Variants in TYW1 observed in about 807,000 individuals in gnomAD.
TYW1 encodes S-adenosyl-L-methionine-dependent tRNA 4-demethylwyosine synthase TYW1.
TYW1 carries 46 observed loss-of-function variants against 96.2 expected under a neutral mutation model. The ratio of observed to expected loss-of-function variants is 0.48; its 90% CI spans 0.38 to 0.61. TYW1 has a LOEUF of 0.61. TYW1 is among the 20% of genes least tolerant of loss of function. The pLI, the probability that TYW1 is intolerant of heterozygous loss-of-function variation, is 0.00. For missense variants in TYW1, 684 were observed against 909.6 expected, an observed-to-expected ratio of 0.75 and a Z score of 3.19; for synonymous variants, 274 against 323.0, an observed-to-expected ratio of 0.85 and a Z score of 1.63.
chr7:67,223,845 A>G (rs1169092813), intron 15 of TYW1, among the ~76,000 whole-genome samples: 1 of 150,944 alleles, frequency 6.6e-6, no homozygotes, highest in Non-Finnish European at 1.5e-5. Context: ...ATTTACTGTC[A>G]AGCCTTCCCC....
At chr7:67,156,456 C>T (rs115517745) in intron 13 of TYW1, among the ~76,000 whole-genome samples, 5,176 of 152,336 alleles carry the variant, frequency 0.034, 264 homozygotes, top group African/African-American at 0.12. Flanking sequence ...ATTGGCAGCC[C>T]TGCCAGGGGT....
intron 9 of TYW1, among the ~76,000 whole-genome samples, chr7:67,065,726 T>C (rs1042068099): frequency 5.3e-5 from 8 of 151,936 alleles, no homozygotes; most frequent in African/African-American, 1.9e-4. Context: ...ATTTATGTAA[T>C]ATTCTTTCAT....
chr7:67,177,992 GAAAAAAAAAAAGA>G (rs1243049562), intron 13 of TYW1, among the ~76,000 whole-genome samples: 2 of 104,600 alleles, frequency 1.9e-5, no homozygotes, highest in Non-Finnish European at 3.9e-5. Context: ...TGTCTCTACA[GAAAAAAAAAAAGA>G]AAAAAAAAAA....
At chr7:67,001,320 G>C (rs1338830753) in intron 3 of TYW1, among the ~76,000 whole-genome samples, 5 of 151,996 alleles carry the variant, frequency 3.3e-5, no homozygotes, top group Non-Finnish European at 7.4e-5. Flanking sequence ...GCTTAATGTT[G>C]CTGTCCATAT....
At chr7:67,074,910 G>T (rs1442447562) in intron 10 of TYW1, among the ~76,000 whole-genome samples, 2 of 151,928 alleles carry the variant, frequency 1.3e-5, no homozygotes, top group Non-Finnish European at 2.9e-5. Flanking sequence ...TTGGCTCACT[G>T]TAACCTCTGT....
chr7:67,118,878 GAAAAAAAAAAA>G (rs60194362), intron 13 of TYW1, among the ~76,000 whole-genome samples: 48 of 72,244 alleles, frequency 6.6e-4, no homozygotes, highest in East Asian at 9.6e-4. Flanking sequence ...ACCCCTATCT[GAAAAAAAAAAA>G]AAAAAAAAAA....
In TYW1 at chr7:67,079,157, G is replaced by T. The variant is rs62468360; in HGVS notation, c.1275-4273G>T. 4.2e-3 allele frequency among the ~76,000 whole-genome samples: 557 copies of T among 131,678 alleles called. 2 individuals are homozygous for T. The highest frequency in any genetic ancestry group is 7.4e-3 in the Non-Finnish European group (467 of 62,880). 86.4% of individuals were successfully genotyped at this position (131,678 alleles called of 152,430 possible). On this transcript the variant is annotated intron_variant, in intron 10 of 15. Coordinates refer to ENST00000359626, the MANE Select transcript of TYW1 (RefSeq NM_018264.4). ...TTAATTTTTTGAAATAGTTTGAAAA[G>T]TATTCGTGTGAGAGGTGTGTGTGTG...
At chr7:67,182,584 C>A (rs11767081) in intron 13 of TYW1, among the ~76,000 whole-genome samples, 42,534 of 151,624 alleles carry the variant, frequency 0.28, 6,475 homozygotes, top group African/African-American at 0.4. Context: ...GAAAAGAAAG[C>A]AAGCCAGTCC....
chr7:67,221,199 G>A (rs1302305066), intron 15 of TYW1, among the ~76,000 whole-genome samples: 1 of 152,144 alleles, frequency 6.6e-6, no homozygotes, highest in African/African-American at 2.4e-5. Flanking sequence ...GTTTATAATA[G>A]TTATATGTTC....
intron 13 of TYW1, among the ~76,000 whole-genome samples, chr7:67,126,365 T>C (rs1323119671): frequency 1.3e-5 from 2 of 152,054 alleles, no homozygotes; most frequent in Non-Finnish European, 2.9e-5. Context: ...AAGAGTTCTT[T>C]GTATATTTTG....
intron 6 of TYW1, among the ~76,000 whole-genome samples, 181 bp downstream of exon 6, chr7:67,018,324 A>C (rs147603224): frequency 0.017 from 2,579 of 152,034 alleles, 71 homozygotes; most frequent in African/African-American, 0.058. Flanking sequence ...GTATTGCTTG[A>C]GTCCGGGAGT....
At chr7:67,196,100 C>T (rs1420432473) in intron 15 of TYW1, among the ~76,000 whole-genome samples, 1 of 151,966 alleles carries the variant, frequency 6.6e-6, no homozygotes, top group African/African-American at 2.4e-5. Context: ...CTCTCCATCT[C>T]TCCATATTTC....
intron 10 of TYW1, among the ~76,000 whole-genome samples, chr7:67,074,735 C>T (rs1401948208): frequency 2.6e-5 from 4 of 152,138 alleles, no homozygotes; most frequent in African/African-American, 9.7e-5. Context: ...AGCCTCTGAG[C>T]CTCAGTTTCT....
At position 67,236,152 on chromosome 7, in the gene TYW1, A is replaced by G. The variant is rs530181634; in HGVS notation, c.1978-2156A>G. Among the ~76,000 whole-genome samples, 8 of 152,312 alleles carry G rather than the reference A, an allele frequency of 5.3e-5. No individual in the cohort carries two copies. In the East Asian group the frequency reaches 1.5e-3, roughly 29 times the overall value. ...AACCGAACTAACAGGATTTAGGAAGACTTCCCAGAGCAAAGGATGAAGGAC... is the reference window on the plus strand; with the variant it reads ...AACCGAACTAACAGGATTTAGGAAGGCTTCCCAGAGCAAAGGATGAAGGAC... On this transcript the variant is annotated intron_variant, in intron 15 of 15. Coordinates refer to ENST00000359626, the MANE Select transcript of TYW1 (RefSeq NM_018264.4).
rs1463514971 is a variant in TYW1, at chr7:67,117,513, C to T, written c.1593C>T (p.Val531=). ...TCGAGCCGGTTACTCAGCTGTATGTCAGTGTGGATGCCAGTACCAAAGACA... is the reference window on the plus strand; with the variant it reads ...TCGAGCCGGTTACTCAGCTGTATGTTAGTGTGGATGCCAGTACCAAAGACA... ...RNLEPVTQLY[V]SVDASTKDSL... is the part of the protein sequence containing the mutation. Residue 531 remains valine, a synonymous_variant, in exon 13 of 16, where the codon GTC becomes GTT. Transcript: ENST00000359626. 6.2e-7 allele frequency: 1 copy of T among 1,611,230 alleles called. No homozygotes were observed. Among genetic ancestry groups the T allele is most frequent in the African/African-American group, 1.3e-5 (1 of 74,592 alleles).
chr7:67,014,438 G>A lies in TYW1; in HGVS notation c.447G>A (p.Glu149=). 1 of 1,613,988 alleles carries A rather than the reference G, an allele frequency of 6.2e-7. No homozygotes were observed. The highest frequency in any genetic ancestry group is 8.5e-7 in the Non-Finnish European group (1 of 1,179,878). ...ACGGCCTACCAACTGAAAGTGCAGA[G>A]TGGTTCTGCAAATGGTTAGAGGAAG... ...YTDGLPTESA[E]WFCKWLEEAS... Residue 149 remains glutamate (E), a synonymous_variant, in exon 5 of 16, where the codon GAG becomes GAA. Coordinates refer to ENST00000359626, the MANE Select transcript of TYW1 (RefSeq NM_018264.4).
chr7:67,007,495 C>A, intron 3 of TYW1, among the ~76,000 whole-genome samples: 1 of 152,164 alleles, frequency 6.6e-6, no homozygotes, highest in Non-Finnish European at 1.5e-5. Flanking sequence ...GGGACCCACC[C>A]CCATGACCCA....
At chr7:67,167,425 C>T (rs1165400478) in intron 13 of TYW1, among the ~76,000 whole-genome samples, 5 of 127,330 alleles carry the variant, frequency 3.9e-5, no homozygotes, top group Non-Finnish European at 7.8e-5. Context: ...GCCGAGATTG[C>T]GGCACTGCAC....
At chr7:67,210,733 C>T (rs1271789626) in intron 15 of TYW1, among the ~76,000 whole-genome samples, 1 of 102,994 alleles carries the variant, frequency 9.7e-6, no homozygotes, top group African/African-American at 4.1e-5. Context: ...GTCCATCAGT[C>T]ATCTGTCATC....
Sources: allele counts gnomAD v4.1 joint callset (sites outside exome capture counted in the v4.1 genomes callset), GRCh38; gene constraint gnomAD v4.1.1; transcripts MANE v1.5; gene names NCBI Gene and HGNC (gene_info 2026-07-23, HGNC 2026-07-21).